Variants in TBL1Y observed in about 807,000 individuals in gnomAD.
TBL1Y encodes the protein transducin beta like 1 Y-linked.
In TBL1Y, 15 loss-of-function variants were observed where a neutral mutation model predicts 12.0. That is an observed-to-expected ratio of 1.25 (90% CI 0.83 to 1.92). The LOEUF is 1.92. Among genes scored for constraint, TBL1Y ranks in the 40% most tolerant of loss-of-function variants. TBL1Y has a pLI of 0.00. For synonymous variants in TBL1Y, 53 were observed against 42.6 expected (o/e 1.24, Z -0.95); for missense variants, 148 against 116.7 (o/e 1.27, Z -1.24).
At chrY:7,014,968 TCATG>T (rs2012541428) in intron 4 of TBL1Y, among the ~76,000 whole-genome samples, 1 of 33,496 alleles carries the variant, frequency 3.0e-5, no homozygotes, top group Non-Finnish European at 7.4e-5. Context: ...TGGGTAAGGC[TCATG>T]CAGAACTGCC....
intron 4 of TBL1Y, among the ~76,000 whole-genome samples, chrY:7,010,032 CA>C (rs767441364): frequency 0.075 from 559 of 7,455 alleles, no homozygotes; most frequent in South Asian, 0.31. Context: ...ACTCCAGTCT[CA>C]AAAAAAAAAA....
At chrY:6,989,883 T>A (rs766746030) in intron 3 of TBL1Y, among the ~76,000 whole-genome samples, 1 of 33,925 alleles carries the variant, frequency 2.9e-5, no homozygotes, top group South Asian at 6.7e-4. Flanking sequence ...ACTTTATTGT[T>A]AAGAGAGAAA....
chrY:7,078,094 G>A (rs2013071804), intron 13 of TBL1Y, among the ~76,000 whole-genome samples: 1 of 32,997 alleles, frequency 3.0e-5, no homozygotes, highest in South Asian at 7.1e-4. Context: ...AAGATCAAGT[G>A]AACCCAAGAG....
At position 6,995,643 on chromosome Y, in the gene TBL1Y, T is replaced by TGA. The variant is rs2012404455; in HGVS notation, c.-234-161_-234-160insGA. Among the ~76,000 whole-genome samples, 19 of 32,406 alleles carry TGA rather than the reference T, an allele frequency of 5.9e-4. No individual in the cohort carries two copies. In the South Asian group the frequency reaches 0.014, roughly 24 times the overall value. 86.9% of individuals were successfully genotyped at this position (32,406 alleles called of 37,273 possible). A position where few individuals can be genotyped will look rare whatever the true frequency, so the allele number is the denominator to read the frequency against. On this transcript the variant is annotated intron_variant, in intron 3 of 18. Transcript: ENST00000383032. The stretch of plus-strand genomic sequence containing the variant: ...TCTTGTTGCCCAGGCTGGAGTGCAG[T>TGA]AGTGCAATCTCAGTTCACTGCAACC...
chrY:6,999,051 A>G (rs2012428404), intron 4 of TBL1Y, among the ~76,000 whole-genome samples: 1 of 33,227 alleles, frequency 3.0e-5, no homozygotes, highest in Admixed American at 2.8e-4. Flanking sequence ...TTGAATACCT[A>G]TGGGTCCAAG....
At chrY:6,956,878 A>T in intron 2 of TBL1Y, among the ~76,000 whole-genome samples, 1 of 33,754 alleles carries the variant, frequency 3.0e-5, no homozygotes, top group South Asian at 6.8e-4. Context: ...ACCTCTCCTG[A>T]TCCTGACGCC....
At chrY:7,079,546 C>T (rs2013080136) in intron 13 of TBL1Y, among the ~76,000 whole-genome samples, 1 of 33,782 alleles carries the variant, frequency 3.0e-5, no homozygotes, top group East Asian at 7.9e-4. Context: ...AATTATACAA[C>T]GGGAGTTCAG....
At chrY:7,034,380 A>T in intron 6 of TBL1Y, among the ~76,000 whole-genome samples, 1 of 33,675 alleles carries the variant, frequency 3.0e-5, no homozygotes. Flanking sequence ...GGAATAATCA[A>T]TATCATGAAA....
intron 8 of TBL1Y, 65 bp downstream of exon 8, chrY:7,064,214 G>T: frequency 5.5e-6 from 2 of 366,246 alleles, no homozygotes; most frequent in East Asian, 9.4e-5. Context: ...TTTAAATCTG[G>T]GTCAGTCTGA....
At chrY:7,010,923 T>C (rs2012515799) in intron 4 of TBL1Y, among the ~76,000 whole-genome samples, 1 of 31,429 alleles carries the variant, frequency 3.2e-5, no homozygotes, top group Non-Finnish European at 7.7e-5. Context: ...AGGGTAACAC[T>C]GTGTCTCAAA....
chrY:6,995,446 A>G (rs2012403245), intron 3 of TBL1Y, among the ~76,000 whole-genome samples: 1 of 33,598 alleles, frequency 3.0e-5, no homozygotes, highest in Non-Finnish European at 7.4e-5. Context: ...TAAAATGAAT[A>G]TGTAACAAGG....
intron 3 of TBL1Y, among the ~76,000 whole-genome samples, chrY:6,988,609 G>A (rs960893198): frequency 6.5e-5 from 2 of 30,890 alleles, no homozygotes; most frequent in Non-Finnish European, 1.5e-4. Flanking sequence ...TCAGTGAGTC[G>A]TGATTGCACC....
At chrY:6,921,731 G>A (rs2011780042) in intron 2 of TBL1Y, among the ~76,000 whole-genome samples, 1 of 33,650 alleles carries the variant, frequency 3.0e-5, no homozygotes, top group Admixed American at 2.7e-4. Flanking sequence ...GTTGGGAACT[G>A]TATCCCTAGC....
At chrY:7,064,584 G>C (rs2012958485) in intron 8 of TBL1Y, among the ~76,000 whole-genome samples, 3 of 33,804 alleles carry the variant, frequency 8.9e-5, no homozygotes, top group Non-Finnish European at 2.2e-4. Context: ...TTTGGTCTTT[G>C]CAAAATCCCA....
At chrY:7,041,910 C>T in intron 6 of TBL1Y, among the ~76,000 whole-genome samples, 1 of 31,772 alleles carries the variant, frequency 3.1e-5, no homozygotes, top group Non-Finnish European at 7.6e-5. Flanking sequence ...TCAGTACTGA[C>T]CCCCCGCCCC....
intron 14 of TBL1Y, among the ~76,000 whole-genome samples, chrY:7,084,457 C>A: frequency 6.0e-5 from 2 of 33,567 alleles, no homozygotes; most frequent in Admixed American, 2.7e-4. Flanking sequence ...ACCTAGCTAA[C>A]TTTTGTATTT....
chrY:6,976,266 GA>G (rs2012239875), intron 2 of TBL1Y, among the ~76,000 whole-genome samples: 1 of 33,251 alleles, frequency 3.0e-5, no homozygotes, highest in Non-Finnish European at 7.4e-5. Context: ...TGAAAAGCAG[GA>G]AATGAAAATG....
chrY:7,038,291 G>C (rs751166844), intron 6 of TBL1Y, among the ~76,000 whole-genome samples: 640 of 32,637 alleles, frequency 0.02, no homozygotes, highest in Non-Finnish European at 0.037. Flanking sequence ...AGTTTATTTT[G>C]ATTATACTCT....
intron 5 of TBL1Y, among the ~76,000 whole-genome samples, chrY:7,023,740 A>G (rs2012595752): frequency 6.4e-5 from 2 of 31,150 alleles, no homozygotes; most frequent in Admixed American, 2.9e-4. Flanking sequence ...TTTTCCTTTT[A>G]TGTCTTTTTA....
Sources: gnomAD v4.1 joint callset for allele counts (sites outside exome capture counted in the v4.1 genomes callset) on GRCh38, gnomAD v4.1.1 for gene constraint, MANE v1.5 for transcripts, NCBI Gene and HGNC (gene_info 2026-07-23, HGNC 2026-07-21) for gene names.